Variants in STRN3 observed in about 807,000 individuals in gnomAD.
STRN3 encodes the protein striatin-3.
Under a neutral mutation model 95.6 loss-of-function variants are expected in STRN3, and 29 were observed. The ratio of observed to expected loss-of-function variants is 0.30; its 90% CI spans 0.23 to 0.41. The LOEUF (loss-of-function observed/expected upper bound fraction) is 0.41, where lower values mean the gene tolerates loss of function less well. Ranked by LOEUF, STRN3 falls within the 10% of genes least tolerant of loss-of-function variation. STRN3 has a pLI of 1.00. For missense variants in STRN3, 890 were observed against 972.1 expected (o/e 0.92, Z 1.12); for synonymous variants, 331 against 357.6 (o/e 0.93, Z 0.84).
At chr14:30,900,443 C>CGGGGGGGGGGGGGG (rs71112349) in intron 16 of STRN3, among the ~76,000 whole-genome samples, 1 of 52,368 alleles carries the variant, frequency 1.9e-5, no homozygotes, top group African/African-American at 8.9e-5. Context: ...GGGTGTGGGG[C>CGGGGGGGGGGGGGG]GGGGGGGGGC....
chr14:30,938,693 A>C (rs2139084097), intron 5 of STRN3, among the ~76,000 whole-genome samples: 1 of 152,312 alleles, frequency 6.6e-6, no homozygotes, highest in Middle Eastern at 3.4e-3. Flanking sequence ...AAAAGCCTAT[A>C]AATTGTGAAA....
intron 1 of STRN3, among the ~76,000 whole-genome samples, chr14:30,989,014 C>A (rs1441611782): frequency 6.6e-6 from 1 of 152,198 alleles, no homozygotes; most frequent in Non-Finnish European, 1.5e-5. Context: ...GACAGTAGAT[C>A]TCAAGTCTAC....
In STRN3 at chr14:30,935,251, T is replaced by C. The variant is rs757609767; in HGVS notation, c.900A>G (p.Glu300=). ...CTAAAAAATCAAATTCTTTCAGTGC[T>C]TCCTCAGTATCAGGATCGTCAGTTA... ...ADLTDDPDTE[E]ALKEFDFLVT... The change falls in exon 7 of 18, where the codon GAA becomes GAG. Residue 300 remains glutamate (E), a synonymous_variant. Coordinates refer to ENST00000357479, the MANE Select transcript of STRN3 (RefSeq NM_001083893.2). The C allele has an allele frequency of 6.8e-6, 11 of 1,614,142 alleles. No homozygotes were observed. The Admixed American group carries it at 1.0e-4, about 15-fold the overall frequency.
At chr14:30,936,402 C>T in intron 6 of STRN3, 93 bp downstream of exon 6, 1 of 1,374,590 alleles carries the variant, frequency 7.3e-7, no homozygotes, top group South Asian at 1.5e-5. Flanking sequence ...TAAAGATGAT[C>T]AATCACTCCC....
At chr14:30,922,624 T>G (rs866505959) in intron 8 of STRN3, among the ~76,000 whole-genome samples, 2 of 152,184 alleles carry the variant, frequency 1.3e-5, no homozygotes, top group Non-Finnish European at 2.9e-5. Flanking sequence ...ACTTTTATAT[T>G]CTGAAGCTTA....
In STRN3 at chr14:31,004,320, G is replaced by A. The variant is rs117041431; in HGVS notation, c.282+21584C>T. Among the ~76,000 whole-genome samples the A allele has an allele frequency of 2.2e-3, 330 of 151,984 alleles. 6 individuals carry two copies. The East Asian group carries it at 0.032, about 15-fold the overall frequency. Reference sequence around the variant, plus strand: ...AAAAAGTTAAAAAAAAAAAATTAGCGGAGTATGGTGGCACACACCTGTAGT... The same window carrying A: ...AAAAAGTTAAAAAAAAAAAATTAGCAGAGTATGGTGGCACACACCTGTAGT... On this transcript the variant is annotated intron_variant, in intron 1 of 17. Coordinates refer to ENST00000357479, the MANE Select transcript of STRN3 (RefSeq NM_001083893.2).
intron 7 of STRN3, among the ~76,000 whole-genome samples, chr14:30,933,639 C>A (rs1878667294): frequency 6.6e-6 from 1 of 152,132 alleles, no homozygotes; most frequent in African/African-American, 2.4e-5. Context: ...AGGTACCCTT[C>A]TAAACCACAA....
intron 4 of STRN3, among the ~76,000 whole-genome samples, chr14:30,947,892 T>C (rs1879443218): frequency 6.6e-6 from 1 of 151,942 alleles, no homozygotes; most frequent in South Asian, 2.1e-4. Flanking sequence ...AGATAATGAG[T>C]TGTGAATGGT....
At chr14:30,896,974 T>G (rs116859728) in intron 16 of STRN3, among the ~76,000 whole-genome samples, 1 of 152,208 alleles carries the variant, frequency 6.6e-6, no homozygotes, top group Non-Finnish European at 1.5e-5. Context: ...TTTGGATGGA[T>G]AGAAAGCATT....
chr14:30,919,381 A>ATC (rs1555316196), intron 8 of STRN3, among the ~76,000 whole-genome samples: 1 of 151,474 alleles, frequency 6.6e-6, no homozygotes, highest in East Asian at 1.9e-4. Flanking sequence ...ATATATATAT[A>ATC]TCTCCACAGA....
intron 5 of STRN3, among the ~76,000 whole-genome samples, chr14:30,941,098 C>A (rs1879070602): frequency 6.6e-6 from 1 of 152,156 alleles, no homozygotes; most frequent in African/African-American, 2.4e-5. Context: ...AGAAAAGGGT[C>A]TTCACCAGAA....
At chr14:30,983,488 T>C (rs1881511850) in intron 1 of STRN3, among the ~76,000 whole-genome samples, 2 of 152,198 alleles carry the variant, frequency 1.3e-5, no homozygotes, top group Admixed American at 1.3e-4. Context: ...GAGGTTGCAG[T>C]GAGCCGAGAT....
intron 8 of STRN3, among the ~76,000 whole-genome samples, chr14:30,924,550 C>T (rs940101542): frequency 5.3e-4 from 81 of 152,072 alleles, no homozygotes; most frequent in African/African-American, 1.9e-3. Flanking sequence ...CCTCAGCCTC[C>T]CAAAGTGCTG....
At chr14:30,930,886 C>G (rs767360562) in intron 7 of STRN3, among the ~76,000 whole-genome samples, 3 of 151,936 alleles carry the variant, frequency 2.0e-5, no homozygotes, top group Non-Finnish European at 4.4e-5. Context: ...TAAAGCAAGA[C>G]AAATTGATAC....
At chr14:30,904,197 A>G (rs1373668031) in intron 15 of STRN3, among the ~76,000 whole-genome samples, 1 of 152,150 alleles carries the variant, frequency 6.6e-6, no homozygotes, top group Non-Finnish European at 1.5e-5. Context: ...AGGGCACAAA[A>G]TGAACAACAT....
Position 30,930,464 on chromosome 14 carries a change from G to A in STRN3, c.989-1153C>T, listed in dbSNP as rs192239167. Among the ~76,000 whole-genome samples, 334 of 152,152 alleles carry A rather than the reference G, an allele frequency of 2.2e-3. 1 individual carries two copies. The highest frequency in any genetic ancestry group is 7.8e-3 in the African/African-American group (325 of 41,534). On this transcript the variant is annotated intron_variant, in intron 7 of 17. Coordinates refer to ENST00000357479, the MANE Select transcript of STRN3 (RefSeq NM_001083893.2). Reference sequence around the variant, plus strand: ...AAATTCTCATATTTGAATGGCACACGGAAATGCAAATATTTACTGCGCCTT... The same window carrying A: ...AAATTCTCATATTTGAATGGCACACAGAAATGCAAATATTTACTGCGCCTT...
chr14:30,972,645 T>TAA (rs959248618), intron 1 of STRN3, among the ~76,000 whole-genome samples: 1 of 142,520 alleles, frequency 7.0e-6, no homozygotes, highest in Non-Finnish European at 1.5e-5. Context: ...TACAAAAAAT[T>TAA]AAAAAAAAAA....
At chr14:30,953,478 A>C (rs1273454913) in intron 3 of STRN3, among the ~76,000 whole-genome samples, 1 of 152,220 alleles carries the variant, frequency 6.6e-6, no homozygotes, top group Non-Finnish European at 1.5e-5. Flanking sequence ...AACATATCAC[A>C]ATGTACTTAT....
chr14:31,016,583 G>A (rs573298434), intron 1 of STRN3, among the ~76,000 whole-genome samples: 8 of 151,700 alleles, frequency 5.3e-5, no homozygotes, highest in Non-Finnish European at 1.2e-4. Context: ...TCGCTCTGTC[G>A]CCCAGGCTAG....
Sources: allele counts gnomAD v4.1 joint callset (sites outside exome capture counted in the v4.1 genomes callset), GRCh38; gene constraint gnomAD v4.1.1; transcripts MANE v1.5; gene names NCBI Gene and HGNC (gene_info 2026-07-23, HGNC 2026-07-21).